Variants in SNAPC3 observed in about 807,000 individuals in gnomAD.
SNAPC3 encodes the protein small nuclear RNA activating complex polypeptide 3.
A neutral mutation model predicts 47.7 loss-of-function variants in SNAPC3; 56 were observed. The ratio of observed to expected loss-of-function variants is 1.18; its 90% CI spans 0.95 to 1.47. SNAPC3 has a LOEUF of 1.47. Among genes scored for constraint, SNAPC3 ranks in the 40% most tolerant of loss-of-function variants. The probability of loss-of-function intolerance (pLI) is 0.00; values close to 1 mark genes in which losing one functional copy is unlikely to be tolerated. For missense variants in SNAPC3, 665 were observed against 511.3 expected (o/e 1.30, Z -2.90); for synonymous variants, 235 against 189.9 (o/e 1.24, Z -1.95).
At chr9:15,456,668 T>G (rs1346940294) in intron 7 of SNAPC3, among the ~76,000 whole-genome samples, 1 of 151,600 alleles carries the variant, frequency 6.6e-6, no homozygotes, top group Non-Finnish European at 1.5e-5. Context: ...GGGTCTCACT[T>G]TGTTTCCTAG....
Position 15,447,222 on chromosome 9 carries a change from A to C in SNAPC3, c.710A>C (p.Gln237Pro), listed in dbSNP as rs1193003118. ...GGTGAATTCAGCAACACTCCTGACC[A>C]AGCCCCTGAGCACATCAGCAAAGTA... Reference protein sequence around the residue: ...IGGEFSNTPDQAPEHISKDLY... With the variant: ...IGGEFSNTPDPAPEHISKDLY... Residue 237 changes from glutamine to proline, a missense_variant, in exon 5 of 9, where the codon CAA becomes CCA. By Grantham distance (76) the Gln-to-Pro change is moderately conservative (BLOSUM62 -1). Transcript: ENST00000380821. 1 of 1,614,158 alleles carries C rather than the reference A, an allele frequency of 6.2e-7. No homozygotes were observed. The highest frequency in any genetic ancestry group is 1.7e-5 in the Admixed American group (1 of 60,018).
rs763007995 is a variant in SNAPC3 at position 15,423,076 on chromosome 9, C to T, written c.197C>T (p.Pro66Leu). The change falls in exon 1 of 9, where the codon CCG becomes CTG. Residue 66 changes from proline to leucine, a missense_variant. Pro to Leu is a moderately conservative substitution (Grantham distance 98, BLOSUM62 -3). Transcript: ENST00000380821. ...GCCGGGGACTTGTCGCTGAGGGAGC[C>T]GCCGGCATCCGCTCTGCCTGGGAGC... ...RGAGDLSLRE[P>L]PASALPGSQA... 2.0e-6 allele frequency: 3 copies of T among 1,515,560 alleles called. No individual in the cohort carries two copies. In the South Asian group the frequency reaches 3.8e-5, roughly 19 times the overall value. 93.9% of individuals were successfully genotyped at this position (1,515,560 alleles called of 1,614,324 possible).
At position 15,459,738 on chromosome 9, in the gene SNAPC3, A is replaced by T. The variant is rs1418306983; in HGVS notation, c.1108A>T (p.Ser370Cys). 6.2e-7 allele frequency: 1 copy of T among 1,613,160 alleles called. No individual in the cohort carries two copies. Among genetic ancestry groups the T allele is most frequent in the East Asian group, 2.2e-5 (1 of 44,866 alleles). Residue 370 changes from serine (S) to cysteine (C), a missense_variant, in exon 9 of 9, where the codon AGT (serine) becomes TGT (cysteine). Coordinates refer to ENST00000380821, the MANE Select transcript of SNAPC3 (RefSeq NM_001039697.2). Reference protein sequence around the residue: ...YTARWVTNNDSFAPEDPCFFC... With the variant: ...YTARWVTNNDCFAPEDPCFFC... ...CTACAGATGGGTGACGAACAATGACAGTTTTGCACCAGAGGACCCATGCTT... is the reference window on the plus strand; with the variant it reads ...CTACAGATGGGTGACGAACAATGACTGTTTTGCACCAGAGGACCCATGCTT...
At chr9:15,426,736 C>G (rs186608423) in intron 2 of SNAPC3, among the ~76,000 whole-genome samples, 1 of 152,160 alleles carries the variant, frequency 6.6e-6, no homozygotes, top group Non-Finnish European at 1.5e-5. Context: ...TTTCCCTTGA[C>G]TACTTTGCAC....
chr9:15,432,917 A>G (rs2032344370), intron 2 of SNAPC3, among the ~76,000 whole-genome samples: 2 of 152,218 alleles, frequency 1.3e-5, no homozygotes, highest in African/African-American at 4.8e-5. Context: ...CTCCCCCAAA[A>G]TATTTACCAA....
At chr9:15,428,816 CAAAG>C (rs1160052346) in intron 2 of SNAPC3, among the ~76,000 whole-genome samples, 3 of 150,988 alleles carry the variant, frequency 2.0e-5, no homozygotes, top group African/African-American at 7.3e-5. Flanking sequence ...TTGAAAATGA[CAAAG>C]AAAAAAGTAA....
At chr9:15,465,441 T>A, downstream of SNAPC3, 2 of 1,284,024 alleles carry the variant, frequency 1.6e-6, no homozygotes, top group Non-Finnish European at 2.2e-6. Context: ...TTATAAAAAT[T>A]TAAAACTTTC....
chr9:15,424,118 G>C, intron 2 of SNAPC3, 132 bp downstream of exon 2: 1 of 461,492 alleles, frequency 2.2e-6, no homozygotes. Context: ...CTTAATATTT[G>C]ACCATATTTA....
At chr9:15,446,466 C>T (rs906444584) in intron 4 of SNAPC3, among the ~76,000 whole-genome samples, 1 of 152,206 alleles carries the variant, frequency 6.6e-6, no homozygotes, top group Non-Finnish European at 1.5e-5. Context: ...TTCGGCCTCC[C>T]AAAGTGTTGG....
rs2131985510 is a variant in SNAPC3 at position 15,459,715 on chromosome 9, A to G, written c.1089-4A>G. The G allele has an allele frequency of 3.7e-6, 6 of 1,611,898 alleles. No homozygotes were observed. The highest frequency in any genetic ancestry group is 4.2e-6 in the Non-Finnish European group (5 of 1,179,024). ...TGATGTACTTCTTTTTTTAAAAACT[A>G]CAGATGGGTGACGAACAATGACAGT... On this transcript the variant is annotated splice_polypyrimidine_tract_variant and splice_region_variant and intron_variant, in intron 8 of 8. Transcript: ENST00000380821.
At chr9:15,434,900 T>C (rs1475092003) in intron 3 of SNAPC3, among the ~76,000 whole-genome samples, 3 of 152,236 alleles carry the variant, frequency 2.0e-5, no homozygotes, top group Non-Finnish European at 4.4e-5. Flanking sequence ...TGAAAATTGG[T>C]GTACAGATAT....
Position 15,441,155 on chromosome 9 carries a change from A to G in SNAPC3, c.478-3447A>G, listed in dbSNP as rs78154862. On this transcript the variant is annotated intron_variant, in intron 3 of 8. Coordinates refer to ENST00000380821, the MANE Select transcript of SNAPC3 (RefSeq NM_001039697.2). ...GATTGTACAAATTTCTGGGGTACTC[A>G]TTGAGCACATTTAAGTCAGTTGCTG... 4.5e-3 allele frequency among the ~76,000 whole-genome samples: 673 copies of G among 150,342 alleles called. 3 individuals are homozygous for G. Among genetic ancestry groups the G allele is most frequent in the African/African-American group, 0.016 (642 of 41,046 alleles).
chr9:15,459,926 C>T lies in SNAPC3; in HGVS notation c.*60C>T. The T allele has an allele frequency of 1.4e-6, 2 of 1,479,058 alleles. No individual in the cohort carries two copies. The highest frequency in any genetic ancestry group is 1.3e-5 in the South Asian group (1 of 77,820). 91.6% of individuals were successfully genotyped at this position (1,479,058 alleles called of 1,614,324 possible). On this transcript the variant is annotated 3_prime_UTR_variant, in exon 9 of 9. Coordinates refer to ENST00000380821, the MANE Select transcript of SNAPC3 (RefSeq NM_001039697.2). Reference sequence around the variant, plus strand: ...AATAACTGTTCTCTTGGATGGTTACCTTATTTCTAAGAAACGCCACTGAGG... The same window carrying T: ...AATAACTGTTCTCTTGGATGGTTACTTTATTTCTAAGAAACGCCACTGAGG...
chr9:15,433,909 C>G (rs1457409181), intron 3 of SNAPC3: 1 of 243,326 alleles, frequency 4.1e-6, no homozygotes, highest in African/African-American at 2.2e-5. Flanking sequence ...TTTTCACTAC[C>G]CTATTTCTGG....
intron 8 of SNAPC3, among the ~76,000 whole-genome samples, chr9:15,458,359 TTC>T (rs1314087365): frequency 6.6e-6 from 1 of 152,162 alleles, no homozygotes; most frequent in African/African-American, 2.4e-5. Flanking sequence ...AAGCAAAGAA[TTC>T]TCTGATAGAA....
At chr9:15,438,436 A>G (rs984771802) in intron 3 of SNAPC3, among the ~76,000 whole-genome samples, 1 of 150,962 alleles carries the variant, frequency 6.6e-6, no homozygotes, top group Non-Finnish European at 1.5e-5. Context: ...GTTTTTATTG[A>G]TTTTTCTGTA....
chr9:15,423,913 G>GATAA lies in SNAPC3; in HGVS notation c.321_324dup (p.Leu109Ter). The GATAA allele has an allele frequency of 6.4e-7, 1 of 1,561,860 alleles. No individual in the cohort carries two copies. The highest frequency in any genetic ancestry group is 1.2e-5 in the South Asian group (1 of 82,670). On this transcript the variant is annotated frameshift_variant, in exon 2 of 9. Transcript: ENST00000380821. LOFTEE classifies it high-confidence loss of function. ...TGCTTTTCCTTTTTGTTTTAGCCTTGATAAACTGAAATGCCTTGAGGACGG... is the reference window on the plus strand; with the variant it reads ...TGCTTTTCCTTTTTGTTTTAGCCTTGATAAATAAACTGAAATGCCTTGAGGACGG...
intron 3 of SNAPC3, among the ~76,000 whole-genome samples, chr9:15,443,358 A>C (rs1359115901): frequency 1.3e-5 from 2 of 152,182 alleles, no homozygotes; most frequent in Admixed American, 6.5e-5. Context: ...TATTTTCCTA[A>C]GAGTTGTCCA....
chr9:15,427,213 G>A (rs2031524022), intron 2 of SNAPC3, among the ~76,000 whole-genome samples: 2 of 152,112 alleles, frequency 1.3e-5, no homozygotes, highest in Admixed American at 6.6e-5. Flanking sequence ...CATAGCTTTG[G>A]CAGTTTTGAC....
Sources: gnomAD v4.1 joint callset for allele counts (sites outside exome capture counted in the v4.1 genomes callset) on GRCh38, gnomAD v4.1.1 for gene constraint, MANE v1.5 for transcripts, NCBI Gene and HGNC (gene_info 2026-07-23, HGNC 2026-07-21) for gene names.